IGF2BP1: variants seen among roughly 807,000 people sequenced by gnomAD.
IGF2BP1 encodes insulin like growth factor 2 mRNA binding protein 1, also known as insulin-like growth factor 2 mRNA-binding protein 1.
A neutral mutation model predicts 74.9 loss-of-function variants in IGF2BP1; 11 were observed. That is an observed-to-expected ratio of 0.15 (90% CI 0.09 to 0.24). IGF2BP1 has a LOEUF of 0.24. Ranked by LOEUF, IGF2BP1 falls within the 10% of genes least tolerant of loss-of-function variation. The pLI, the probability that IGF2BP1 is intolerant of heterozygous loss-of-function variation, is 1.00. For synonymous variants in IGF2BP1, 287 were observed against 281.8 expected (o/e 1.02, Z -0.18); for missense variants, 440 against 757.4 (o/e 0.58, Z 4.92).
At chr17:49,041,299 G>A (rs2042049175) in intron 7 of IGF2BP1, 79 bp from the exon 8 acceptor site, 8 of 1,517,534 alleles carry the variant, frequency 5.3e-6, no homozygotes, top group African/African-American at 1.4e-5. Context: ...CAAGTCTGGG[G>A]TGGCATGGTG....
chr17:49,014,599 C>G (rs2041668979), intron 2 of IGF2BP1, among the ~76,000 whole-genome samples: 1 of 152,028 alleles, frequency 6.6e-6, no homozygotes, highest in Non-Finnish European at 1.5e-5. Context: ...AGGGGAGAGA[C>G]TGGCTGAGGA....
intron 5 of IGF2BP1, chr17:49,037,355 A>G (rs2042002295): frequency 2.0e-6 from 1 of 509,494 alleles, no homozygotes; most frequent in South Asian, 2.1e-5. Flanking sequence ...GCAAAATGGA[A>G]TACCTGAAGG....
At chr17:49,013,011 G>C (rs2041640260) in intron 2 of IGF2BP1, 1 of 152,096 alleles carries the variant, frequency 6.6e-6, no homozygotes, top group African/African-American at 2.4e-5. Flanking sequence ...TGACCTCTCT[G>C]AGCCCGTTTT....
At chr17:49,049,280 A>G (rs2042139894) in intron 14 of IGF2BP1, 72 bp from the exon 15 acceptor site, 3 of 1,269,634 alleles carry the variant, frequency 2.4e-6, no homozygotes, top group Admixed American at 1.8e-5. Flanking sequence ...TCTGGACCTG[A>G]TGACCTCTCT....
At chr17:49,021,745 A>G (rs1209249563) in intron 2 of IGF2BP1, among the ~76,000 whole-genome samples, 2 of 152,200 alleles carry the variant, frequency 1.3e-5, no homozygotes, top group Admixed American at 6.5e-5. Flanking sequence ...TTTTCTGAAC[A>G]ATGGCTGTTC....
intron 2 of IGF2BP1, chr17:49,004,948 A>G (rs1310906016): frequency 6.6e-6 from 1 of 152,252 alleles, no homozygotes; most frequent in Non-Finnish European, 1.5e-5. Flanking sequence ...CAAGGAGGCA[A>G]TGCCAGCAGG....
chr17:48,998,679 C>T (rs1324839392), intron 1 of IGF2BP1, among the ~76,000 whole-genome samples: 1 of 152,010 alleles, frequency 6.6e-6, no homozygotes, highest in Admixed American at 6.5e-5. Context: ...GCCCAAAGCC[C>T]GTCTTCCTGG....
intron 2 of IGF2BP1, among the ~76,000 whole-genome samples, chr17:49,018,361 T>A (rs1567814968): frequency 6.6e-6 from 1 of 152,226 alleles, no homozygotes; most frequent in Non-Finnish European, 1.5e-5. Context: ...TTGCTCACTC[T>A]TTTCCAGTAT....
chr17:48,999,916 GATGA>G (rs2041464303), intron 2 of IGF2BP1, among the ~76,000 whole-genome samples: 2 of 141,154 alleles, frequency 1.4e-5, no homozygotes, highest in African/African-American at 5.4e-5. Flanking sequence ...GAACTCCGTG[GATGA>G]ATGGTGTGTG....
chr17:49,000,759 G>A (rs2041479496), intron 2 of IGF2BP1, among the ~76,000 whole-genome samples: 1 of 152,178 alleles, frequency 6.6e-6, no homozygotes, highest in Non-Finnish European at 1.5e-5. Flanking sequence ...AGCAAAACGT[G>A]ATGAAATGGA....
chr17:49,008,399 T>A (rs1407474909), intron 2 of IGF2BP1, among the ~76,000 whole-genome samples: 1 of 152,200 alleles, frequency 6.6e-6, no homozygotes, highest in African/African-American at 2.4e-5. Context: ...TAGGGTTTTC[T>A]TCCTCTCTAT....
intron 2 of IGF2BP1, among the ~76,000 whole-genome samples, chr17:49,016,931 C>T (rs1175705434): frequency 6.6e-6 from 1 of 151,208 alleles, no homozygotes; most frequent in South Asian, 2.1e-4. Flanking sequence ...CCCCCTTTCT[C>T]AGCTACTGCC....
At chr17:49,041,302 G>T (rs2042049220) in intron 7 of IGF2BP1, 76 bp from the exon 8 acceptor site, 1 of 1,535,584 alleles carries the variant, frequency 6.5e-7, no homozygotes, top group Non-Finnish European at 8.9e-7. Context: ...GTCTGGGGTG[G>T]CATGGTGATT....
intron 2 of IGF2BP1, among the ~76,000 whole-genome samples, chr17:49,003,550 A>G (rs1471640944): frequency 6.6e-6 from 1 of 152,064 alleles, no homozygotes; most frequent in Non-Finnish European, 1.5e-5. Flanking sequence ...AAGTTTATGA[A>G]CCAAAGGCAT....
rs999692017 is a variant in IGF2BP1, at chr17:49,038,290, G to T, written c.524G>T (p.Gly175Val). ...NGRRGGFGSRGQPRQGSPVAA... is the reference protein window; with the variant it reads ...NGRRGGFGSRVQPRQGSPVAA... ...CGCCGAGGGGGCTTTGGCTCTCGGG[G>T]TCAGCCCCGCCAGGGCTCACCTGTG... The change falls in exon 6 of 15, where the codon GGT (glycine) becomes GTT (valine). Residue 175 changes from glycine (G) to valine (V), a missense_variant. Physicochemically the swap from Gly to Val is moderately radical, Grantham distance 109. Coordinates refer to ENST00000290341, the MANE Select transcript of IGF2BP1 (RefSeq NM_006546.4). 2.5e-6 allele frequency: 4 copies of T among 1,604,012 alleles called. No individual in the cohort carries two copies. In the African/African-American group the frequency reaches 4.0e-5, roughly 16 times the overall value.
intron 2 of IGF2BP1, among the ~76,000 whole-genome samples, chr17:49,017,184 C>T (rs2041716052): frequency 6.6e-6 from 1 of 152,046 alleles, no homozygotes; most frequent in Admixed American, 6.5e-5. Context: ...ATGGAACCCT[C>T]TTGTTGAAGA....
rs202166326 is a variant in IGF2BP1 at position 48,997,904 on chromosome 17, C to T, written c.159C>T (p.Ala53=). 2 of 1,613,872 alleles carry T rather than the reference C, an allele frequency of 1.2e-6. No individual in the cohort carries two copies. The highest frequency in any genetic ancestry group is 2.2e-5 in the East Asian group (1 of 44,832). The change falls in exon 1 of 15, where the codon GCC becomes GCT. Residue 53 remains alanine, a synonymous_variant. Coordinates refer to ENST00000290341, the MANE Select transcript of IGF2BP1 (RefSeq NM_006546.4). This position sits in a 1 kb window ranked among gnomAD's most constrained non-coding sequence, Gnocchi z 4.8. ...DCPDEHWAMK[A]IETFSGKVEL... ...CGGACGAGCACTGGGCGATGAAGGC[C>T]ATCGAAACTTTCTCCGGTAAGAACA...
intron 2 of IGF2BP1, among the ~76,000 whole-genome samples, chr17:49,020,375 G>A (rs773700433): frequency 1.1e-4 from 17 of 151,986 alleles, no homozygotes; most frequent in Non-Finnish European, 8.8e-5. Flanking sequence ...GAATTAACAC[G>A]CCAGGCTCTG....
intron 5 of IGF2BP1, among the ~76,000 whole-genome samples, chr17:49,034,115 C>CCTT (rs2041954819): frequency 8.4e-6 from 1 of 118,416 alleles, no homozygotes. Flanking sequence ...TGATTTGCCC[C>CCTT]TTTTTTTTTT....
Sources: gnomAD v4.1 joint callset for allele counts (sites outside exome capture counted in the v4.1 genomes callset) on GRCh38, gnomAD v4.1.1 for gene constraint, Gnocchi (gnomAD v3.1) non-coding constraint, MANE v1.5 for transcripts, NCBI Gene and HGNC (gene_info 2026-07-23, HGNC 2026-07-21) for gene names.